ACSL3: variants seen among roughly 807,000 people sequenced by gnomAD.
The protein encoded by ACSL3 is acyl-CoA synthetase long chain family member 3.
Under a neutral mutation model 84.7 loss-of-function variants are expected in ACSL3, and 34 were observed. That is an observed-to-expected ratio of 0.40 (90% confidence interval 0.31 to 0.53). ACSL3 has a LOEUF of 0.53. Among genes scored for constraint, ACSL3 ranks in the 20% least tolerant of loss-of-function variants. ACSL3 has a pLI of 0.48. For missense variants in ACSL3, 680 were observed against 873.1 expected, an observed-to-expected ratio of 0.78 and a Z score of 2.79; for synonymous variants, 315 against 299.4, an observed-to-expected ratio of 1.05 and a Z score of -0.54.
intron 13 of ACSL3, among the ~76,000 whole-genome samples, chr2:222,929,210 TGTC>T (rs1478944800): frequency 3.9e-5 from 6 of 152,230 alleles, no homozygotes; most frequent in African/African-American, 1.4e-4. Context: ...AAGTGAATAA[TGTC>T]AATAAATTAG....
At chr2:222,916,656 TAAATC>T in intron 5 of ACSL3, 160 bp downstream of exon 5, 1 of 724,362 alleles carries the variant, frequency 1.4e-6, no homozygotes, top group Non-Finnish European at 2.1e-6. Flanking sequence ...TTTTGGAAAA[TAAATC>T]AATTATATGA....
intron 3 of ACSL3, among the ~76,000 whole-genome samples, chr2:222,903,037 GA>G (rs541171601): frequency 7.3e-5 from 11 of 151,138 alleles, no homozygotes; most frequent in African/African-American, 2.2e-4. Flanking sequence ...ATAGAAGGAA[GA>G]AAAAAAAGTC....
rs1241109645 is a variant in ACSL3, at chr2:222,861,168, C to T, written c.-297C>T. On this transcript the variant is annotated 5_prime_UTR_variant, in exon 1 of 17. Coordinates refer to ENST00000357430, the MANE Select transcript of ACSL3 (RefSeq NM_004457.5). ...GCGGCCCCGACAGCTGCGCCAGGAT[C>T]CCCGGGCGGCGGCGCGGGGCGTGAA... The T allele has an allele frequency of 1.3e-5, 2 of 152,272 alleles. No homozygotes were observed. The highest frequency in any genetic ancestry group is 1.3e-4 in the Admixed American group (2 of 15,288). 9.4% of individuals were successfully genotyped at this position (152,272 alleles called of 1,614,324 possible).
chr2:222,900,376 T>C (rs1007392221), intron 2 of ACSL3, among the ~76,000 whole-genome samples: 1 of 152,230 alleles, frequency 6.6e-6, no homozygotes, highest in Non-Finnish European at 1.5e-5. Flanking sequence ...GAGCTTGATC[T>C]TGTAGATTTC....
chr2:222,924,219 G>A (rs1229325030), intron 10 of ACSL3, among the ~76,000 whole-genome samples: 1 of 152,110 alleles, frequency 6.6e-6, no homozygotes, highest in African/African-American at 2.4e-5. Flanking sequence ...AATTATTTTT[G>A]TGGAAACTTT....
rs557759197 is a variant in ACSL3 at position 222,927,149 on chromosome 2, C to T, written c.1425C>T (p.Tyr475=). 2.4e-5 allele frequency: 39 copies of T among 1,614,034 alleles called. No individual in the cohort carries two copies. Among genetic ancestry groups the T allele is most frequent in the Admixed American group, 1.2e-4 (7 of 60,028 alleles). Residue 475 remains tyrosine, a synonymous_variant, in exon 12 of 17, where the codon TAC becomes TAT. Coordinates refer to ENST00000357430, the MANE Select transcript of ACSL3 (RefSeq NM_004457.5). ...ICFCCPVGQG[Y]GLTESAGAGT... is the part of the protein sequence containing the mutation. ...TCTGCTGTCCTGTTGGTCAGGGATA[C>T]GGGCTCACTGAATCTGCTGGGGCTG...
chr2:222,930,820 A>T lies in ACSL3; in HGVS notation c.1732+8A>T. 1 of 1,580,170 alleles carries T rather than the reference A, an allele frequency of 6.3e-7. No homozygotes were observed. Among genetic ancestry groups the T allele is most frequent in the Non-Finnish European group, 8.6e-7 (1 of 1,164,758 alleles). ...GATGCTTAAAGATTATTGGTAAGTCATCTAATATTTTTTTGAAAATGAATG... is the reference window on the plus strand; with the variant it reads ...GATGCTTAAAGATTATTGGTAAGTCTTCTAATATTTTTTTGAAAATGAATG... On this transcript the variant is annotated splice_region_variant and intron_variant, in intron 14 of 16. Coordinates refer to ENST00000357430, the MANE Select transcript of ACSL3 (RefSeq NM_004457.5).
At chr2:222,861,349 C>A (rs1559270724) in intron 1 of ACSL3, 91 bp downstream of exon 1, 1 of 151,744 alleles carries the variant, frequency 6.6e-6, no homozygotes, top group African/African-American at 2.4e-5. Context: ...GGCTCCCCAG[C>A]CTCGGGGCCT....
intron 5 of ACSL3, chr2:222,917,380 TGCTAGG>T (rs1290436004): frequency 6.6e-6 from 1 of 152,274 alleles, no homozygotes; most frequent in Non-Finnish European, 1.5e-5. Context: ...TGAGCCACCG[TGCTAGG>T]CCTCCTACAC....
chr2:222,914,656 G>A (rs1310863130), intron 4 of ACSL3, among the ~76,000 whole-genome samples: 1 of 152,174 alleles, frequency 6.6e-6, no homozygotes, highest in Non-Finnish European at 1.5e-5. Flanking sequence ...TTGCTTCAGG[G>A]TGTTGAGGTC....
At chr2:222,914,972 T>A (rs1485006191) in intron 4 of ACSL3, among the ~76,000 whole-genome samples, 1 of 152,276 alleles carries the variant, frequency 6.6e-6, no homozygotes, top group Non-Finnish European at 1.5e-5. Context: ...CATGGTGGCA[T>A]CATTGCATGA....
intron 1 of ACSL3, among the ~76,000 whole-genome samples, chr2:222,878,377 C>T (rs1394898576): frequency 6.6e-6 from 1 of 152,142 alleles, no homozygotes; most frequent in Non-Finnish European, 1.5e-5. Context: ...GGCAGGAAAG[C>T]GATGGATTGT....
intron 2 of ACSL3, among the ~76,000 whole-genome samples, chr2:222,888,525 C>G (rs1305473578): frequency 1.3e-5 from 2 of 152,130 alleles, no homozygotes; most frequent in Non-Finnish European, 2.9e-5. Flanking sequence ...GCATTTTATC[C>G]ATTAGAATCA....
intron 4 of ACSL3, chr2:222,909,816 C>G (rs1050897668): frequency 6.6e-6 from 1 of 152,272 alleles, no homozygotes. Context: ...AAGAGCCAAG[C>G]TGTTCTAAGA....
chr2:222,865,148 A>G (rs745606253), intron 1 of ACSL3, among the ~76,000 whole-genome samples: 32 of 152,304 alleles, frequency 2.1e-4, no homozygotes, highest in Non-Finnish European at 2.9e-4. Flanking sequence ...TTTTGGTTTC[A>G]TTAGAAAAAA....
chr2:222,908,934 A>T lies in ACSL3; in HGVS notation c.162A>T (p.Arg54=). The change falls in exon 4 of 17, where the codon CGA becomes CGT. Residue 54 remains arginine (R), a synonymous_variant. Transcript: ENST00000357430. ...AGTCAAGACAAGAAAAATCAAACCG[A>T]ATTAAAGCAAAGCCTGTAAATTCAA... is the stretch of plus-strand genomic sequence containing the variant. ...FSESRQEKSN[R]IKAKPVNSKP... 6.2e-7 allele frequency: 1 copy of T among 1,613,230 alleles called. No homozygotes were observed. Among genetic ancestry groups the T allele is most frequent in the Non-Finnish European group, 8.5e-7 (1 of 1,179,720 alleles).
At chr2:222,938,385 G>A (rs1697227552) in intron 16 of ACSL3, among the ~76,000 whole-genome samples, 1 of 152,122 alleles carries the variant, frequency 6.6e-6, no homozygotes, top group African/African-American at 2.4e-5. Context: ...GTTTATCAAG[G>A]AGTCTTAATT....
intron 2 of ACSL3, among the ~76,000 whole-genome samples, chr2:222,899,337 TG>T (rs1336574280): frequency 6.6e-6 from 1 of 151,816 alleles, no homozygotes; most frequent in Non-Finnish European, 1.5e-5. Context: ...TAGCTGGGCG[TG>T]GTGGCAGGCG....
chr2:222,894,728 A>G (rs1241952067), intron 2 of ACSL3, among the ~76,000 whole-genome samples: 3 of 152,054 alleles, frequency 2.0e-5, no homozygotes, highest in Admixed American at 2.0e-4. Context: ...GAAGCCAGGC[A>G]TGCCCGTGTA....
Sources: gnomAD v4.1 joint callset for allele counts (sites outside exome capture counted in the v4.1 genomes callset) on GRCh38, gnomAD v4.1.1 for gene constraint, MANE v1.5 for transcripts, NCBI Gene and HGNC (gene_info 2026-07-23, HGNC 2026-07-21) for gene names.